SH3KBP1: variants seen among roughly 807,000 people sequenced by gnomAD.
SH3KBP1 encodes the protein SH3 domain containing kinase binding protein 1.
In SH3KBP1, 8 loss-of-function variants were observed where a neutral mutation model predicts 50.1. The observed-to-expected ratio is 0.16, with a 90% confidence interval of 0.09 to 0.29. The LOEUF is 0.29. Among genes scored for constraint, SH3KBP1 ranks in the 10% least tolerant of loss-of-function variants. The pLI is 1.00. For synonymous variants in SH3KBP1, 227 were observed against 218.6 expected (o/e 1.04, Z -0.34); for missense variants, 377 against 535.2 (o/e 0.70, Z 2.92).
chrX:19,735,019 G>A (rs2064505751), intron 3 of SH3KBP1, among the ~76,000 whole-genome samples: 1 of 112,027 alleles, frequency 8.9e-6, no homozygotes, highest in East Asian at 2.8e-4. Context: ...TTTTTCTAGA[G>A]TCTGGAATAC....
intron 8 of SH3KBP1, among the ~76,000 whole-genome samples, chrX:19,624,990 T>C (rs950078531): frequency 8.9e-6 from 1 of 111,998 alleles, no homozygotes; most frequent in Admixed American, 9.5e-5. Context: ...TCCTCACCCT[T>C]GGAACCACAT....
chrX:19,861,458 G>A (rs2068776712), intron 1 of SH3KBP1, among the ~76,000 whole-genome samples: 1 of 111,344 alleles, frequency 9.0e-6, no homozygotes, highest in African/African-American at 3.3e-5. Flanking sequence ...TGTACTATAT[G>A]AGGACTTCAA....
chrX:19,866,116 G>C (rs780276401), intron 1 of SH3KBP1, among the ~76,000 whole-genome samples: 1 of 111,902 alleles, frequency 8.9e-6, no homozygotes, highest in Admixed American at 9.4e-5. Context: ...CAGGATGAGA[G>C]CCCTGCTGCA....
intron 2 of SH3KBP1, among the ~76,000 whole-genome samples, chrX:19,811,065 T>C (rs2067190951): frequency 1.8e-5 from 2 of 112,156 alleles, no homozygotes; most frequent in South Asian, 7.4e-4. Flanking sequence ...ACTACTTTCA[T>C]AGGGCAGATG....
At chrX:19,625,616 T>G (rs768349402) in intron 8 of SH3KBP1, among the ~76,000 whole-genome samples, 3 of 111,906 alleles carry the variant, frequency 2.7e-5, no homozygotes, top group Non-Finnish European at 5.6e-5. Context: ...ATCGGAAACA[T>G]AGATTTCAAA....
intron 1 of SH3KBP1, among the ~76,000 whole-genome samples, chrX:19,838,444 C>G (rs1197870586): frequency 8.9e-6 from 1 of 112,306 alleles, no homozygotes; most frequent in African/African-American, 3.2e-5. Context: ...CCATGGGGTG[C>G]CCTGCAGTTC....
chrX:19,797,194 A>C (rs1461338229), intron 2 of SH3KBP1, among the ~76,000 whole-genome samples: 2 of 111,968 alleles, frequency 1.8e-5, no homozygotes, highest in Non-Finnish European at 3.8e-5. Context: ...CAAAGGAAAT[A>C]AATGTGGTGA....
intron 9 of SH3KBP1, among the ~76,000 whole-genome samples, chrX:19,596,509 C>T (rs1418125518): frequency 9.0e-6 from 1 of 111,616 alleles, no homozygotes; most frequent in African/African-American, 3.3e-5. Context: ...TGTAGCAATT[C>T]CTTAAAATAG....
intron 2 of SH3KBP1, among the ~76,000 whole-genome samples, chrX:19,783,099 G>A (rs1220616839): frequency 8.9e-6 from 1 of 112,086 alleles, no homozygotes; most frequent in African/African-American, 3.2e-5. Flanking sequence ...CAGCCTAGGT[G>A]ACAGAGCGAG....
In SH3KBP1 at chrX:19,695,622, T is replaced by C. The variant is rs773530894; in HGVS notation, c.510A>G (p.Leu170=). The change falls in exon 5 of 18, where the codon CTA becomes CTG. Residue 170 remains leucine, a synonymous_variant. Transcript: ENST00000397821. ...GGTAGACTTCCTTACTTGACTTGGA[T>C]AGCTGCTCATCCTGGGAAATGCCAA... ...DELGISQDEQ[L]SKSSLRETTG... The C allele has an allele frequency of 1.7e-6, 2 of 1,209,785 alleles. No individual in the cohort carries two copies. Among genetic ancestry groups the C allele is most frequent in the Non-Finnish European group, 2.2e-6 (2 of 894,921 alleles).
chrX:19,653,636 G>A (rs7060089), intron 6 of SH3KBP1, among the ~76,000 whole-genome samples: 154 of 110,026 alleles, frequency 1.4e-3, no homozygotes, highest in Middle Eastern at 4.6e-3. Flanking sequence ...ACTTCAACCC[G>A]GGAGGCGGAG....
At chrX:19,574,800 T>G (rs186364567) in intron 12 of SH3KBP1, among the ~76,000 whole-genome samples, 4 of 112,540 alleles carry the variant, frequency 3.6e-5, no homozygotes, top group Admixed American at 9.4e-5. Context: ...TCCCCATGTA[T>G]ATGTCTGTTA....
chrX:19,847,560 G>A (rs2068396741), intron 1 of SH3KBP1, among the ~76,000 whole-genome samples: 2 of 112,080 alleles, frequency 1.8e-5, no homozygotes, highest in South Asian at 7.3e-4. Flanking sequence ...ACTGTCATAA[G>A]TATAACTACT....
intron 1 of SH3KBP1, among the ~76,000 whole-genome samples, chrX:19,852,364 C>A (rs765516111): frequency 5.4e-5 from 6 of 111,186 alleles, no homozygotes; most frequent in Non-Finnish European, 1.1e-4. Context: ...AATGCTTGAC[C>A]CACAAAACTG....
In SH3KBP1 at chrX:19,766,483, C is replaced by CTTTTTTTTTTT. The variant is rs61439964; in HGVS notation, c.163-20053_163-20043dup. Among the ~76,000 whole-genome samples, 7 of 22,589 alleles carry CTTTTTTTTTTT rather than the reference C, an allele frequency of 3.1e-4. 3 individuals carry two copies. The highest frequency in any genetic ancestry group is 5.1e-4 in the African/African-American group (3 of 5,879). The allele number at this position is 22,589 out of a possible 115,157, so 19.6% of individuals were successfully genotyped here. ...TGCACTTTGAGTCTGTTGATTGCAT[C>CTTTTTTTTTTT]TTTTTTTTTTTTTTTTTTTTTTTTT... is the stretch of plus-strand genomic sequence containing the variant. On this transcript the variant is annotated intron_variant, in intron 2 of 17. Coordinates refer to ENST00000397821, the MANE Select transcript of SH3KBP1 (RefSeq NM_031892.3).
rs751265205 is a variant in SH3KBP1, at chrX:19,887,495, T to TGCTGCTGCC, written c.-194_-186dup. The TGCTGCTGCC allele has an allele frequency of 1.0e-5, 3 of 289,890 alleles. No individual in the cohort carries two copies. Among genetic ancestry groups the TGCTGCTGCC allele is most frequent in the African/African-American group, 3.0e-5 (1 of 33,098 alleles). The allele number at this position is 289,890 out of a possible 1,213,427, so 23.9% of individuals were successfully genotyped here. ...CAGCGCCGCCCGCTGCTGCCTCTGC[T>TGCTGCTGCC]GCTGCTGCCGCTGCTGCCCCGGGGC... On this transcript the variant is annotated 5_prime_UTR_variant, in exon 1 of 18. Coordinates refer to ENST00000397821, the MANE Select transcript of SH3KBP1 (RefSeq NM_031892.3).
In SH3KBP1 at chrX:19,750,695, G is replaced by A. The variant is rs756166168; in HGVS notation, c.163-4254C>T. 2.7e-5 allele frequency among the ~76,000 whole-genome samples: 3 copies of A among 111,377 alleles called. No homozygotes were observed. The South Asian group carries it at 1.1e-3, about 42-fold the overall frequency. On this transcript the variant is annotated intron_variant, in intron 2 of 17. Coordinates refer to ENST00000397821, the MANE Select transcript of SH3KBP1 (RefSeq NM_031892.3). Reference sequence around the variant, plus strand: ...TATGTTCACAGAATCCTGACGTCATGGATTCCTATCCACAGGCTCTAAAAA... The same window carrying A: ...TATGTTCACAGAATCCTGACGTCATAGATTCCTATCCACAGGCTCTAAAAA...
intron 2 of SH3KBP1, among the ~76,000 whole-genome samples, chrX:19,773,557 A>G (rs748608940): frequency 1.8e-5 from 2 of 108,915 alleles, no homozygotes; most frequent in East Asian, 5.8e-4. Flanking sequence ...ACACCCCCCT[A>G]TAAGAATCAT....
At chrX:19,574,353 G>A (rs2066131507) in intron 12 of SH3KBP1, among the ~76,000 whole-genome samples, 1 of 112,668 alleles carries the variant, frequency 8.9e-6, no homozygotes, top group African/African-American at 3.2e-5. Flanking sequence ...GCCAAAAAGT[G>A]TTTAACTAAA....
Sources: allele counts gnomAD v4.1 joint callset (sites outside exome capture counted in the v4.1 genomes callset), GRCh38; gene constraint gnomAD v4.1.1; transcripts MANE v1.5; gene names NCBI Gene and HGNC (gene_info 2026-07-23, HGNC 2026-07-21).